The following PITX3 variants were observed in gnomAD, a reference collection of about 807,000 sequenced individuals.
The protein encoded by PITX3 is paired like homeodomain 3, also known as pituitary homeobox 3.
A neutral mutation model predicts 14.2 loss-of-function variants in PITX3; 4 were observed. The observed-to-expected ratio is 0.28, with a 90% CI of 0.14 to 0.65. The LOEUF is 0.65. PITX3 is among the 30% of genes least tolerant of loss of function. The pLI is 0.82. For missense variants in PITX3, 358 were observed against 426.8 expected (o/e 0.84, Z 1.42); for synonymous variants, 194 against 204.5 (o/e 0.95, Z 0.44).
chr10:102,232,092 T>G lies in PITX3; in HGVS notation c.-12A>C. On this transcript the variant is annotated splice_region_variant and 5_prime_UTR_variant, in exon 2 of 4. Coordinates refer to ENST00000370002, the MANE Select transcript of PITX3 (RefSeq NM_005029.4). The stretch of plus-strand genomic sequence containing the variant: ...AGGCCGAACTCCATGGAGGGAGGGC[T>G]CTGGAGGCGAGAGAAGACACAGACC... 1 of 1,547,020 alleles carries G rather than the reference T, an allele frequency of 6.5e-7. No individual in the cohort carries two copies. Among genetic ancestry groups the G allele is most frequent in the Non-Finnish European group, 8.8e-7 (1 of 1,132,990 alleles).
chr10:102,236,770 C>G (rs969044450), intron 1 of PITX3, among the ~76,000 whole-genome samples: 1 of 152,182 alleles, frequency 6.6e-6, no homozygotes, highest in East Asian at 1.9e-4. Context: ...ATAATAATGC[C>G]TGAGGCTGGA....
rs1554934124 is a variant in PITX3, at chr10:102,231,009, C to A, written c.414G>T (p.Gly138=). The A allele has an allele frequency of 6.3e-7, 1 of 1,598,946 alleles. No homozygotes were observed. Among genetic ancestry groups the A allele is most frequent in the Non-Finnish European group, 8.5e-7 (1 of 1,174,558 alleles). Residue 138 remains glycine, a synonymous_variant, in exon 4 of 4, where the codon GGG becomes GGT. Transcript: ENST00000370002. ...CCTCCTCGTAGGGCGGCACCAGCCC[C>A]CCGAGCGGCGCCGCGAAGCTGCCTT... is the stretch of plus-strand genomic sequence containing the variant. The part of the protein sequence containing the change: ...LCKGSFAAPL[G]GLVPPYEEVY...
intron 1 of PITX3, among the ~76,000 whole-genome samples, chr10:102,234,811 G>A (rs1590406942): frequency 6.6e-6 from 1 of 152,116 alleles, no homozygotes; most frequent in Non-Finnish European, 1.5e-5. Context: ...TTTGGCTCCC[G>A]ACTTGCAGTT....
chr10:102,231,555 C>T, intron 3 of PITX3, 33 bp downstream of exon 3: 1 of 1,436,186 alleles, frequency 7.0e-7, no homozygotes, highest in Middle Eastern at 2.3e-4. Flanking sequence ...GGAGGGCCCG[C>T]GCGGGTGCGA....
intron 1 of PITX3, among the ~76,000 whole-genome samples, chr10:102,240,578 TG>T (rs1175468460): frequency 1.3e-5 from 2 of 152,240 alleles, no homozygotes; most frequent in Non-Finnish European, 2.9e-5. Context: ...AGGGACATTC[TG>T]TCCGCCACTG....
intron 1 of PITX3, among the ~76,000 whole-genome samples, chr10:102,235,083 G>A (rs2070349499): frequency 6.6e-6 from 1 of 152,008 alleles, no homozygotes; most frequent in Non-Finnish European, 1.5e-5. Flanking sequence ...CATCCAGGCA[G>A]ACAGACACGT....
rs1304932238 is a variant in PITX3 at position 102,230,765 on chromosome 10, C to T, written c.658G>A (p.Gly220Arg). The T allele has an allele frequency of 1.3e-6, 2 of 1,499,922 alleles. No individual in the cohort carries two copies. The highest frequency in any genetic ancestry group is 1.5e-5 in the African/African-American group (1 of 68,612). The allele number at this position is 1,499,922 out of a possible 1,614,324, so 92.9% of individuals were successfully genotyped here. Residue 220 changes from glycine (G) to arginine (R), a missense_variant, in exon 4 of 4, where the codon GGG (glycine) becomes AGG (arginine). This residue lies in a region of PITX3 where 236 missense variants were observed against 250.2 expected (regional missense o/e 0.94). Coordinates refer to ENST00000370002, the MANE Select transcript of PITX3 (RefSeq NM_005029.4). The stretch of plus-strand genomic sequence containing the variant: ...GCCGGAGCCAGCCCGGGGGGGCCCC[C>T]GCCCAGGCCCTGCAGGGCCCCAGGC... ...PGPGALQGLG[G>R]GPPGLAPAAV... is the part of the protein sequence containing the mutation.
Position 102,230,570 on chromosome 10 carries a change from G to A in PITX3, c.853C>T (p.Pro285Ser), listed in dbSNP as rs2070203155. The change falls in exon 4 of 4, where the codon CCG becomes TCG. Residue 285 changes from proline to serine, a missense_variant. Pro to Ser is a moderately conservative substitution (Grantham distance 74). Around this residue, in one of 3 missense-constraint regions of PITX3, gnomAD observed 236 missense variants for 250.2 expected, o/e 0.94. Transcript: ENST00000370002. ...ASFSYPAVHG[P>S]PPAANLSPCQ... is the part of the protein sequence containing the mutation. ...GGACTAAGGTTGGCTGCCGGGGGCG[G>A]CCCGTGCACAGCGGGGTAGCTGAAG... 8 of 1,611,560 alleles carry A rather than the reference G, an allele frequency of 5.0e-6. No homozygotes were observed. Among genetic ancestry groups the A allele is most frequent in the Non-Finnish European group, 5.9e-6 (7 of 1,179,178 alleles).
chr10:102,231,871 G>T (rs1222391082), intron 2 of PITX3, 81 bp from the exon 3 acceptor site: 5 of 1,563,274 alleles, frequency 3.2e-6, no homozygotes, highest in Admixed American at 3.3e-5. Flanking sequence ...TAAGCCACTC[G>T]CTGGCTCCCA....
intron 2 of PITX3, 73 bp downstream of exon 2, chr10:102,231,890 G>T: frequency 6.4e-7 from 1 of 1,555,964 alleles, no homozygotes; most frequent in Non-Finnish European, 8.8e-7. Context: ...CACCGGGGCT[G>T]CCCAGCCGGG....
rs961490778 is a variant in PITX3 at position 102,232,009 on chromosome 10, C to T, written c.72G>A (p.Pro24=). 1 of 1,609,848 alleles carries T rather than the reference C, an allele frequency of 6.2e-7. No individual in the cohort carries two copies. ...AGCCGTGCTCTGGGAGCTGGGGGTG[C>T]GGAGTGCCAGCGTCTGACAGCGACA... ...PALSLSDAGT[P]HPQLPEHGCK... is the part of the protein sequence containing the mutation. Residue 24 remains proline (P), a synonymous_variant, in exon 2 of 4, where the codon CCG becomes CCA. Coordinates refer to ENST00000370002, the MANE Select transcript of PITX3 (RefSeq NM_005029.4).
Position 102,231,754 on chromosome 10 carries a change from G to C in PITX3, c.155C>G (p.Ser52Cys). The stretch of plus-strand genomic sequence containing the variant: ...CTTTTTCAGCGAACCGTCCTCTGGG[G>C]AGCCGCCGGGCAGCGAAGCCGAGGC... ...EKASASLPGG[S>C]PEDGSLKKKQ... The change falls in exon 3 of 4, where the codon TCC becomes TGC. Residue 52 changes from serine (S) to cysteine (C), a missense_variant. Physicochemically the swap from Ser to Cys is moderately radical, Grantham distance 112 (BLOSUM62 -1). Coordinates refer to ENST00000370002, the MANE Select transcript of PITX3 (RefSeq NM_005029.4). The C allele has an allele frequency of 6.2e-7, 1 of 1,608,158 alleles. No homozygotes were observed. Among genetic ancestry groups the C allele is most frequent in the Non-Finnish European group, 8.5e-7 (1 of 1,178,326 alleles).
chr10:102,237,951 G>A (rs2133812586), intron 1 of PITX3, among the ~76,000 whole-genome samples: 2 of 152,080 alleles, frequency 1.3e-5, no homozygotes, highest in African/African-American at 4.8e-5. Context: ...GTATCCAGGG[G>A]TGTGACAAAA....
intron 1 of PITX3, among the ~76,000 whole-genome samples, chr10:102,240,582 C>T (rs2070508409): frequency 6.6e-6 from 1 of 152,202 alleles, no homozygotes; most frequent in Non-Finnish European, 1.5e-5. Context: ...ACATTCTGTC[C>T]GCCACTGCCA....
Position 102,231,872 on chromosome 10 carries a change from C to G in PITX3, c.119-82G>C, listed in dbSNP as rs943761884. 3.2e-6 allele frequency: 5 copies of G among 1,566,334 alleles called. No homozygotes were observed. In the African/African-American group the frequency reaches 6.7e-5, roughly 21 times the overall value. ...GCTCGGGGACCTCCTAAGCCACTCGCTGGCTCCCACCGGGGCTGCCCAGCC... is the reference window on the plus strand; with the variant it reads ...GCTCGGGGACCTCCTAAGCCACTCGGTGGCTCCCACCGGGGCTGCCCAGCC... On this transcript the variant is annotated intron_variant, in intron 2 of 3. Coordinates refer to ENST00000370002, the MANE Select transcript of PITX3 (RefSeq NM_005029.4).
chr10:102,240,212 C>T (rs2070497545), intron 1 of PITX3, among the ~76,000 whole-genome samples: 1 of 152,208 alleles, frequency 6.6e-6, no homozygotes, highest in Non-Finnish European at 1.5e-5. Context: ...GGGGCTTGTA[C>T]CCAGCTCCTT....
rs1404676155 is a variant in PITX3, at chr10:102,231,625, A to G, written c.284T>C (p.Ile95Thr). ...CTCGGTGAGGTTGGTCCACACGGCG[A>G]TCTCCTCGCGCGTGCTCATGTCGGG... ...RYPDMSTREE[I>T]AVWTNLTEAR... The change falls in exon 3 of 4, where the codon ATC (isoleucine) becomes ACC (threonine). Residue 95 changes from isoleucine (I) to threonine (T), a missense_variant. This residue lies in a region of PITX3 where 50 missense variants were observed against 96.7 expected (regional missense o/e 0.52). Transcript: ENST00000370002. The G allele has an allele frequency of 1.1e-5, 17 of 1,611,506 alleles. No individual in the cohort carries two copies. Among genetic ancestry groups the G allele is most frequent in the Admixed American group, 1.7e-5 (1 of 59,718 alleles).
chr10:102,237,012 T>A (rs1418462627), intron 1 of PITX3, among the ~76,000 whole-genome samples: 3 of 152,196 alleles, frequency 2.0e-5, no homozygotes, highest in African/African-American at 7.2e-5. Flanking sequence ...CAGCAAAGAT[T>A]TGAAGCACTC....
intron 2 of PITX3, 30 bp downstream of exon 2, chr10:102,231,933 T>C (rs766145167): frequency 6.3e-7 from 1 of 1,578,934 alleles, no homozygotes; most frequent in Non-Finnish European, 8.7e-7. Context: ...AGCTGTTATG[T>C]CCTGCACCCC....
Sources: allele counts gnomAD v4.1 joint callset (sites outside exome capture counted in the v4.1 genomes callset), GRCh38; gene constraint gnomAD v4.1.1; regional missense constraint gnomAD v4.1.1; transcripts MANE v1.5; gene names NCBI Gene and HGNC (gene_info 2026-07-23, HGNC 2026-07-21).